CPEB1: variants seen among roughly 807,000 people sequenced by gnomAD.
CPEB1 encodes cytoplasmic polyadenylation element binding protein 1, also known as cytoplasmic polyadenylation element-binding protein 1.
Under a neutral mutation model 65.8 loss-of-function variants are expected in CPEB1, and 7 were observed. That is an observed-to-expected ratio of 0.11 (90% CI 0.06 to 0.20). The LOEUF is 0.20. Ranked by LOEUF, CPEB1 falls within the 10% of genes least tolerant of loss-of-function variation. The pLI, the probability that CPEB1 is intolerant of heterozygous loss-of-function variation, is 1.00. For synonymous variants in CPEB1, 262 were observed against 260.0 expected (o/e 1.01, Z -0.08); for missense variants, 551 against 712.2 (o/e 0.77, Z 2.58).
intron 5 of CPEB1, among the ~76,000 whole-genome samples, chr15:82,556,811 C>G (rs1373309003): frequency 1.3e-5 from 2 of 152,132 alleles, no homozygotes; most frequent in Non-Finnish European, 2.9e-5. Context: ...TGTGACTGCC[C>G]TTTTAGAAAT....
chr15:82,648,601 AAGGGATAGGGCG>A (rs753684906), upstream of CPEB1: 3 of 152,354 alleles, frequency 2.0e-5, no homozygotes, highest in Non-Finnish European at 2.9e-5. Flanking sequence ...GAAATAGGGC[AAGGGATAGGGCG>A]AGGGCTCCAG....
At chr15:82,578,427 A>C (rs148492278) in intron 3 of CPEB1, among the ~76,000 whole-genome samples, 3 of 152,316 alleles carry the variant, frequency 2.0e-5, no homozygotes, top group African/African-American at 7.2e-5. Flanking sequence ...AAGTTTACTC[A>C]GGGCACAAAC....
chr15:82,551,420 G>T lies in CPEB1; in HGVS notation c.1281+1060C>A, dbSNP rs960038867. Among the ~76,000 whole-genome samples, 4 of 152,122 alleles carry T rather than the reference G, an allele frequency of 2.6e-5. No homozygotes were observed. The East Asian group carries it at 5.8e-4, about 22-fold the overall frequency. On this transcript the variant is annotated intron_variant, in intron 9 of 12. Transcript: ENST00000684509. ...TTTATACTGACCCATCATCCCCACC[G>T]AAAGTCCATGGTTTGCATCAGAGTT...
chr15:82,622,604 C>T (rs550949250), intron 3 of CPEB1, among the ~76,000 whole-genome samples: 12 of 152,260 alleles, frequency 7.9e-5, no homozygotes, highest in African/African-American at 2.6e-4. Flanking sequence ...GTTGGTCAGG[C>T]TGGTCTCAAA....
chr15:82,604,241 T>C (rs2043365286), intron 3 of CPEB1, among the ~76,000 whole-genome samples: 1 of 152,092 alleles, frequency 6.6e-6, no homozygotes, highest in South Asian at 2.1e-4. Context: ...CCCAGCACTT[T>C]GGGAGGCCGA....
intron 5 of CPEB1, among the ~76,000 whole-genome samples, chr15:82,556,710 T>C (rs1443956318): frequency 6.6e-6 from 1 of 152,190 alleles, no homozygotes; most frequent in African/African-American, 2.4e-5. Flanking sequence ...CTGAGTCCAA[T>C]CTAAGTAATA....
intron 4 of CPEB1, among the ~76,000 whole-genome samples, chr15:82,561,880 G>A (rs540858131): frequency 4.6e-5 from 7 of 152,280 alleles, no homozygotes; most frequent in South Asian, 2.1e-4. Flanking sequence ...ACTCTACTTC[G>A]TTAAGTGCTC....
intron 1 of CPEB1, among the ~76,000 whole-genome samples, chr15:82,643,485 C>G (rs1180314715): frequency 2.0e-5 from 3 of 151,860 alleles, no homozygotes; most frequent in Non-Finnish European, 4.4e-5. Context: ...AAAAATTAGC[C>G]GGGCGTGGTG....
intron 9 of CPEB1, among the ~76,000 whole-genome samples, chr15:82,550,638 G>C (rs1238866664): frequency 6.6e-6 from 1 of 152,174 alleles, no homozygotes; most frequent in East Asian, 1.9e-4. Flanking sequence ...GCCCACAAAA[G>C]AGTTTGGGAT....
At chr15:82,639,493 T>C (rs1206105697) in intron 1 of CPEB1, among the ~76,000 whole-genome samples, 1 of 152,086 alleles carries the variant, frequency 6.6e-6, no homozygotes, top group Non-Finnish European at 1.5e-5. Flanking sequence ...CTGGCTTTTT[T>C]TTTTTCCCCA....
chr15:82,594,457 G>A (rs2042521445), intron 3 of CPEB1, among the ~76,000 whole-genome samples: 1 of 152,174 alleles, frequency 6.6e-6, no homozygotes. Context: ...ACCTCTCTCA[G>A]CCTTCTCAGA....
intron 3 of CPEB1, among the ~76,000 whole-genome samples, chr15:82,615,303 T>A (rs2044610424): frequency 6.6e-6 from 1 of 152,218 alleles, no homozygotes; most frequent in Non-Finnish European, 1.5e-5. Flanking sequence ...AGGACCTTGC[T>A]TCATCTCACA....
rs7164806 is a variant in CPEB1 at position 82,565,900 on chromosome 15, T to C, written c.460+5444A>G. 6.0e-3 allele frequency among the ~76,000 whole-genome samples: 911 copies of C among 152,320 alleles called. 12 individuals are homozygous for C. Among genetic ancestry groups the C allele is most frequent in the African/African-American group, 0.021 (871 of 41,568 alleles). On this transcript the variant is annotated intron_variant, in intron 4 of 12. Coordinates refer to ENST00000684509, the MANE Select transcript of CPEB1 (RefSeq NM_001365242.1). ...ACAGACGTACCCATCCCCATTCACA[T>C]GCTGGCAGGAAATCAGCTACAGACA... is the stretch of plus-strand genomic sequence containing the variant.
intron 9 of CPEB1, among the ~76,000 whole-genome samples, chr15:82,550,442 C>G (rs1320935075): frequency 9.9e-5 from 15 of 152,200 alleles, no homozygotes; most frequent in Admixed American, 9.8e-4. Flanking sequence ...GAGCAGAGAA[C>G]AGGCCAAGAC....
intron 3 of CPEB1, among the ~76,000 whole-genome samples, chr15:82,605,329 T>C (rs1290410871): frequency 2.0e-5 from 3 of 152,044 alleles, no homozygotes; most frequent in Admixed American, 2.0e-4. Context: ...CATAGGTAAA[T>C]ATAATAGAGA....
At chr15:82,597,820 C>A (rs1245546196) in intron 3 of CPEB1, among the ~76,000 whole-genome samples, 3 of 152,000 alleles carry the variant, frequency 2.0e-5, no homozygotes, top group African/African-American at 7.2e-5. Context: ...GACCCTGTCT[C>A]AAAAAACAAA....
At chr15:82,627,723 G>A (rs1385938359) in intron 2 of CPEB1, among the ~76,000 whole-genome samples, 1 of 152,182 alleles carries the variant, frequency 6.6e-6, no homozygotes, top group African/African-American at 2.4e-5. Flanking sequence ...TGGGCCTTAA[G>A]GGAAAAGGTA....
chr15:82,634,768 T>TTTC (rs1567237213), intron 1 of CPEB1, among the ~76,000 whole-genome samples: 1 of 134,422 alleles, frequency 7.4e-6, no homozygotes, highest in African/African-American at 2.9e-5. Context: ...TTTAGACTTT[T>TTTC]TTAATTAAGC....
In CPEB1 at chr15:82,565,391, T is replaced by C. The variant is rs188191158; in HGVS notation, c.460+5953A>G. Among the ~76,000 whole-genome samples, 284 of 152,258 alleles carry C rather than the reference T, an allele frequency of 1.9e-3. 2 individuals are homozygous for C. The highest frequency in any genetic ancestry group is 3.4e-4 in the Non-Finnish European group (23 of 68,024). The stretch of plus-strand genomic sequence containing the variant: ...CCAGCTCATGAGACCATACCTGCCC[T>C]ATGTAAGGTTGCTGAGTACGCAGCA... On this transcript the variant is annotated intron_variant, in intron 4 of 12. Coordinates refer to ENST00000684509, the MANE Select transcript of CPEB1 (RefSeq NM_001365242.1).
Sources: allele counts gnomAD v4.1 joint callset (sites outside exome capture counted in the v4.1 genomes callset), GRCh38; gene constraint gnomAD v4.1.1; transcripts MANE v1.5; gene names NCBI Gene and HGNC (gene_info 2026-07-23, HGNC 2026-07-21).